NPAS3: variants seen among roughly 807,000 people sequenced by gnomAD.
NPAS3 encodes neuronal PAS domain-containing protein 3.
Under a neutral mutation model 73.1 loss-of-function variants are expected in NPAS3, and 14 were observed. The ratio of observed to expected loss-of-function variants is 0.19; its 90% CI spans 0.13 to 0.30. The LOEUF is 0.30. Among genes scored for constraint, NPAS3 ranks in the 10% least tolerant of loss-of-function variants. The pLI is 1.00. For synonymous variants in NPAS3, 620 were observed against 541.5 expected (o/e 1.14, Z -2.01); for missense variants, 1,096 against 1,250.0 (o/e 0.88, Z 1.86).
intron 4 of NPAS3, among the ~76,000 whole-genome samples, chr14:33,472,180 C>T (rs575669688): frequency 1.3e-5 from 2 of 152,236 alleles, no homozygotes; most frequent in African/African-American, 4.8e-5. Context: ...GTGAAAGTGA[C>T]ATTTTAATAG....
At chr14:33,676,337 G>C (rs759079430) in exon 6 of NPAS3, 8 of 1,605,064 alleles carry the variant, frequency 5.0e-6, no homozygotes, top group Non-Finnish European at 6.8e-6. Flanking sequence ...TGCTGAGGAC[G>C]GAGCCAGCTC....
At chr14:33,382,819 A>G (rs893454265) in intron 4 of NPAS3, among the ~76,000 whole-genome samples, 5 of 152,124 alleles carry the variant, frequency 3.3e-5, no homozygotes, top group African/African-American at 4.8e-5. Flanking sequence ...CCAGCTAGGC[A>G]TGGTGGATCA....
At chr14:32,958,720 T>C (rs954294755) in intron 1 of NPAS3, among the ~76,000 whole-genome samples, 5 of 152,172 alleles carry the variant, frequency 3.3e-5, no homozygotes, top group African/African-American at 1.2e-4. Context: ...TCAAACTCAA[T>C]GGAACCCAAA....
Position 33,367,080 on chromosome 14 carries a change from G to T in NPAS3, c.386-106G>T, listed in dbSNP as rs983167540. 3 of 563,330 alleles carry T rather than the reference G, an allele frequency of 5.3e-6. No individual in the cohort carries two copies. The African/African-American group carries it at 5.8e-5, about 11-fold the overall frequency. 34.9% of individuals were successfully genotyped at this position (563,330 alleles called of 1,614,324 possible). On this transcript the variant is annotated intron_variant, in intron 3 of 11. Coordinates refer to ENST00000356141, the Ensembl canonical transcript of NPAS3. ...ACTGGGTGGTGGTTCAGATCTCATT[G>T]TAATACTAAATAGTCAATGATGCCA...
chr14:33,091,766 A>G (rs138116336), intron 2 of NPAS3, among the ~76,000 whole-genome samples: 228 of 152,224 alleles, frequency 1.5e-3, no homozygotes, highest in African/African-American at 5.3e-3. Flanking sequence ...CAAAAAGCTT[A>G]TCCACCGTGA....
intron 1 of NPAS3, among the ~76,000 whole-genome samples, chr14:33,010,955 A>G (rs201942648): frequency 0.049 from 1,876 of 38,638 alleles, 57 homozygotes; most frequent in African/African-American, 0.076. Context: ...AAAAAAAAAA[A>G]GAAAAGAAAA....
chr14:33,469,549 A>G (rs996723511), intron 4 of NPAS3, among the ~76,000 whole-genome samples: 2 of 152,182 alleles, frequency 1.3e-5, no homozygotes, highest in Admixed American at 1.3e-4. Flanking sequence ...CCAAGACCTC[A>G]TGGCTTCCTG....
In NPAS3 at chr14:33,746,171, T is replaced by TTTTATTTATTTATTTATTTA. The variant is rs528860081; in HGVS notation, c.852+10851_852+10870dup. Among the ~76,000 whole-genome samples, 366 of 144,458 alleles carry TTTTATTTATTTATTTATTTA rather than the reference T, an allele frequency of 2.5e-3. 2 individuals carry two copies. The highest frequency in any genetic ancestry group is 8.1e-3 in the African/African-American group (318 of 39,304). The allele number at this position is 144,458 out of a possible 152,430, so 94.8% of individuals were successfully genotyped here. A position where few individuals can be genotyped will look rare whatever the true frequency, so the allele number is the denominator to read the frequency against. On this transcript the variant is annotated intron_variant, in intron 7 of 11. Coordinates refer to ENST00000356141, the Ensembl canonical transcript of NPAS3. ...TATTGACTCATTCTTTTTTATTTTATTTTATTTATTTATTTATTTATTTAT... is the reference window on the plus strand; with the variant it reads ...TATTGACTCATTCTTTTTTATTTTATTTTATTTATTTATTTATTTATTTATTTATTTATTTATTTATTTAT...
In NPAS3 at chr14:33,510,038, A is replaced by G. The variant is rs139840206; in HGVS notation, c.469-50083A>G. 3.2e-3 allele frequency among the ~76,000 whole-genome samples: 481 copies of G among 152,128 alleles called. 2 individuals carry two copies. The highest frequency in any genetic ancestry group is 0.011 in the African/African-American group (467 of 41,554). ...CCCCTCCCCCAGCACGCCCCGGGAT[A>G]ATAAAAATCAGAGGTCTGACAAAGG... On this transcript the variant is annotated intron_variant, in intron 4 of 11. Transcript: ENST00000356141.
intron 2 of NPAS3, among the ~76,000 whole-genome samples, chr14:33,159,994 T>A (rs2044801025): frequency 6.6e-6 from 1 of 152,198 alleles, no homozygotes; most frequent in African/African-American, 2.4e-5. Context: ...TCAACAAATT[T>A]AAATTTTTTA....
At chr14:32,979,902 A>G (rs1279604083) in intron 1 of NPAS3, among the ~76,000 whole-genome samples, 1 of 152,170 alleles carries the variant, frequency 6.6e-6, no homozygotes, top group Non-Finnish European at 1.5e-5. Context: ...TATTAAGTAA[A>G]ATCAGCTACA....
chr14:33,606,680 TTAGA>T (rs971646824), intron 5 of NPAS3, among the ~76,000 whole-genome samples: 4 of 152,140 alleles, frequency 2.6e-5, no homozygotes, highest in Admixed American at 2.6e-4. Context: ...TGACCTTCGG[TTAGA>T]TAAAGATGTC....
intron 3 of NPAS3, among the ~76,000 whole-genome samples, chr14:33,307,932 C>A (rs931284568): frequency 6.6e-6 from 1 of 152,146 alleles, no homozygotes; most frequent in African/African-American, 2.4e-5. Flanking sequence ...GTTGTTGGAA[C>A]ACTACCCCTC....
At chr14:33,732,707 A>G (rs10139207) in intron 6 of NPAS3, among the ~76,000 whole-genome samples, 11,332 of 152,178 alleles carry the variant, frequency 0.074, 1,327 homozygotes, top group African/African-American at 0.25. Flanking sequence ...AGCTTCACTG[A>G]GGCAAAACCG....
At chr14:33,453,299 G>A (rs1298512225) in intron 4 of NPAS3, among the ~76,000 whole-genome samples, 1 of 152,210 alleles carries the variant, frequency 6.6e-6, no homozygotes, top group Non-Finnish European at 1.5e-5. Context: ...ATAGATCAAA[G>A]TGAGGAGGAC....
intron 1 of NPAS3, among the ~76,000 whole-genome samples, chr14:32,943,950 A>G (rs8013171): frequency 0.1 from 15,619 of 152,156 alleles, 1,527 homozygotes; most frequent in East Asian, 0.41. Context: ...TCAGCCTCCC[A>G]AAGTGCTGGG....
intron 1 of NPAS3, among the ~76,000 whole-genome samples, chr14:33,044,423 A>G (rs1451239557): frequency 2.0e-5 from 3 of 152,184 alleles, no homozygotes; most frequent in Non-Finnish European, 4.4e-5. Flanking sequence ...GAAAAACCTG[A>G]ACATTTTTTT....
intron 5 of NPAS3, among the ~76,000 whole-genome samples, chr14:33,602,024 A>G (rs994728640): frequency 2.6e-4 from 40 of 152,194 alleles, no homozygotes; most frequent in Admixed American, 2.6e-3. Context: ...TCCAGCTCAC[A>G]GGGAGCAGGT....
chr14:33,567,341 A>G (rs997168822), intron 5 of NPAS3, among the ~76,000 whole-genome samples: 1 of 152,194 alleles, frequency 6.6e-6, no homozygotes, highest in Non-Finnish European at 1.5e-5. Context: ...CAAAAACCCA[A>G]CACTCATTCC....
Sources: allele counts gnomAD v4.1 joint callset (sites outside exome capture counted in the v4.1 genomes callset), GRCh38; gene constraint gnomAD v4.1.1; transcripts MANE v1.5; gene names NCBI Gene and HGNC (gene_info 2026-07-23, HGNC 2026-07-21).